The following CMIP variants were observed in gnomAD, a reference collection of about 807,000 sequenced individuals.
The protein encoded by CMIP is C-Maf-inducing protein.
Under a neutral mutation model 97.3 loss-of-function variants are expected in CMIP, and 13 were observed. The ratio of observed to expected loss-of-function variants is 0.13; its 90% CI spans 0.09 to 0.21. The LOEUF is 0.21. Among genes scored for constraint, CMIP ranks in the 10% least tolerant of loss-of-function variants. The pLI is 1.00. For synonymous variants in CMIP, 538 were observed against 436.3 expected (o/e 1.23, Z -2.91); for missense variants, 847 against 1,024.9 (o/e 0.83, Z 2.37).
chr16:81,607,851 C>T (rs1205517082), intron 2 of CMIP, among the ~76,000 whole-genome samples, 159 bp downstream of exon 2: 4 of 152,216 alleles, frequency 2.6e-5, no homozygotes, highest in Admixed American at 2.6e-4. Flanking sequence ...TAAACCAGGT[C>T]TGACTGGAGA....
intron 1 of CMIP, among the ~76,000 whole-genome samples, chr16:81,575,843 T>C (rs1174529376): frequency 6.6e-6 from 1 of 152,166 alleles, no homozygotes; most frequent in African/African-American, 2.4e-5. Context: ...CAGAGAACTT[T>C]TTCTGACACA....
rs746217135 is a variant in CMIP at position 81,678,651 on chromosome 16, C to T, written c.1388+23C>T. 55 of 1,209,370 alleles carry T rather than the reference C, an allele frequency of 4.5e-5. No homozygotes were observed. The Admixed American group carries it at 7.8e-4, about 17-fold the overall frequency. 74.9% of individuals were successfully genotyped at this position (1,209,370 alleles called of 1,614,324 possible). On this transcript the variant is annotated intron_variant, in intron 10 of 20. Coordinates refer to ENST00000537098, the MANE Select transcript of CMIP (RefSeq NM_198390.3). ...GCTGTGAGTGCCCCCCCCGCGTGCC[C>T]GCCCCCGGGGCCGGTGGGAGGAGAC...
chr16:81,703,777 A>C, intron 17 of CMIP, 162 bp from the exon 18 acceptor site: 7 of 919,732 alleles, frequency 7.6e-6, no homozygotes, highest in South Asian at 5.7e-5. Flanking sequence ...CCCTTGGCCC[A>C]TCCCACCGAG....
At chr16:81,474,452 C>G (rs1342396061) in intron 1 of CMIP, among the ~76,000 whole-genome samples, 1 of 152,152 alleles carries the variant, frequency 6.6e-6, no homozygotes, top group African/African-American at 2.4e-5. Context: ...ACCAGGTAGG[C>G]ACGTCGCACA....
intron 3 of CMIP, among the ~76,000 whole-genome samples, chr16:81,622,502 C>T (rs986315914): frequency 1.3e-5 from 2 of 152,044 alleles, no homozygotes; most frequent in South Asian, 2.1e-4. Flanking sequence ...GAGGACTGAG[C>T]GGTGTTGGTC....
rs1260477363 is a variant in CMIP, at chr16:81,627,369, T to A, written c.477+6443T>A. ...ACTGGGCCGTGTGAGGATCGAAGGCTGTGTTGTTTGTGCAGCAGGCAGAAG... is the reference window on the plus strand; with the variant it reads ...ACTGGGCCGTGTGAGGATCGAAGGCAGTGTTGTTTGTGCAGCAGGCAGAAG... On this transcript the variant is annotated intron_variant, in intron 3 of 20. Coordinates refer to ENST00000537098, the MANE Select transcript of CMIP (RefSeq NM_198390.3). The surrounding 1 kb of genome is among the most constrained non-coding windows in gnomAD (Gnocchi z 4.6). Among the ~76,000 whole-genome samples, 1 of 151,934 alleles carries A rather than the reference T, an allele frequency of 6.6e-6. No homozygotes were observed. Among genetic ancestry groups the A allele is most frequent in the Admixed American group, 6.6e-5 (1 of 15,266 alleles).
intron 1 of CMIP, among the ~76,000 whole-genome samples, chr16:81,544,520 T>C (rs2090507946): frequency 6.6e-6 from 1 of 152,002 alleles, no homozygotes; most frequent in African/African-American, 2.4e-5. Context: ...CCGGCCTCTG[T>C]GTGGCTCTCA....
At chr16:81,544,188 G>A (rs901671752) in intron 1 of CMIP, among the ~76,000 whole-genome samples, 2 of 152,252 alleles carry the variant, frequency 1.3e-5, no homozygotes, top group Admixed American at 6.5e-5. Context: ...AGTGCACAGT[G>A]AGTGTGAACT....
At chr16:81,583,122 C>A (rs188921776) in intron 1 of CMIP, among the ~76,000 whole-genome samples, 1 of 152,382 alleles carries the variant, frequency 6.6e-6, no homozygotes, top group Admixed American at 6.5e-5. Context: ...GGCATTGCCT[C>A]TGACCTTGGC....
intron 3 of CMIP, among the ~76,000 whole-genome samples, chr16:81,625,688 A>G (rs1390783711): frequency 6.6e-6 from 1 of 152,232 alleles, no homozygotes; most frequent in Non-Finnish European, 1.5e-5. Flanking sequence ...GAACAGGCCC[A>G]GGTGACAGGT....
chr16:81,610,141 A>G (rs4616279), intron 2 of CMIP, among the ~76,000 whole-genome samples: 10,242 of 152,200 alleles, frequency 0.067, 757 homozygotes, highest in East Asian at 0.29. Flanking sequence ...CTGGCCTCCA[A>G]AGGAGGCCAG....
At chr16:81,551,028 C>T (rs1252469766) in intron 1 of CMIP, among the ~76,000 whole-genome samples, 1 of 123,416 alleles carries the variant, frequency 8.1e-6, no homozygotes, top group East Asian at 2.7e-4. Context: ...GTTCATCACA[C>T]GCACCCCAGT....
At chr16:81,447,511 C>G (rs1459950786) in intron 1 of CMIP, among the ~76,000 whole-genome samples, 6 of 152,172 alleles carry the variant, frequency 3.9e-5, no homozygotes, top group Non-Finnish European at 8.8e-5. Context: ...CCAGAGGCCC[C>G]TCGCTCACCT....
At chr16:81,450,850 C>T (rs1431647842) in intron 1 of CMIP, among the ~76,000 whole-genome samples, 3 of 152,214 alleles carry the variant, frequency 2.0e-5, no homozygotes, top group Non-Finnish European at 4.4e-5. Context: ...GCTTCCCTTA[C>T]TCGACGTCCA....
At chr16:81,454,066 C>T (rs541352443) in intron 1 of CMIP, among the ~76,000 whole-genome samples, 55 of 152,258 alleles carry the variant, frequency 3.6e-4, no homozygotes, top group African/African-American at 8.4e-4. Context: ...TTCACATGAC[C>T]GTGATCTCAT....
intron 3 of CMIP, among the ~76,000 whole-genome samples, chr16:81,625,151 C>T (rs946429000): frequency 3.9e-5 from 6 of 152,340 alleles, no homozygotes; most frequent in Non-Finnish European, 7.4e-5. Context: ...CTCTTCCTCC[C>T]AGCCCTCCCG....
intron 1 of CMIP, among the ~76,000 whole-genome samples, chr16:81,494,425 G>C (rs897596663): frequency 1.3e-5 from 2 of 152,216 alleles, no homozygotes. Context: ...TGCTGGGAGA[G>C]GGTGGGTCTC....
At chr16:81,660,279 CT>C (rs567334323) in intron 5 of CMIP, among the ~76,000 whole-genome samples, 274 of 144,934 alleles carry the variant, frequency 1.9e-3, no homozygotes, top group Admixed American at 2.2e-3. Flanking sequence ...TTTCTTTTTT[CT>C]TTTTTTTTTT....
At position 81,701,664 on chromosome 16, in the gene CMIP, T is replaced by A. The variant is rs779686827; in HGVS notation, c.1760T>A (p.Leu587Gln). The A allele has an allele frequency of 6.2e-7, 1 of 1,613,884 alleles. No individual in the cohort carries two copies. The highest frequency in any genetic ancestry group is 1.7e-5 in the Admixed American group (1 of 60,032). The change falls in exon 16 of 21, where the codon CTG becomes CAG. Residue 587 changes from leucine (L) to glutamine (Q), a missense_variant. Physicochemically the swap from Leu to Gln is moderately radical, Grantham distance 113. Transcript: ENST00000537098. ...LRGNQTMVEI[L>Q]CLMLEYNIID... ...CACCCCTGCGGTTCTGGACAGATCCTGTGCTTGATGCTGGAATACAACATC... is the reference window on the plus strand; with the variant it reads ...CACCCCTGCGGTTCTGGACAGATCCAGTGCTTGATGCTGGAATACAACATC...
Sources: gnomAD v4.1 joint callset for allele counts (sites outside exome capture counted in the v4.1 genomes callset) on GRCh38, gnomAD v4.1.1 for gene constraint, Gnocchi (gnomAD v3.1) non-coding constraint, MANE v1.5 for transcripts, NCBI Gene and HGNC (gene_info 2026-07-23, HGNC 2026-07-21) for gene names.